PLA2G4C: variants seen among roughly 807,000 people sequenced by gnomAD.
PLA2G4C encodes cytosolic phospholipase A2 gamma.
PLA2G4C carries 64 observed loss-of-function variants against 73.8 expected under a neutral mutation model. That is an observed-to-expected ratio of 0.87 (90% CI 0.71 to 1.07). PLA2G4C has a LOEUF of 1.07. Among genes scored for constraint, PLA2G4C ranks in the 50% least tolerant of loss-of-function variants. The probability of loss-of-function intolerance (pLI) is 0.00; values close to 1 mark genes in which losing one functional copy is unlikely to be tolerated. For synonymous variants in PLA2G4C, 254 were observed against 252.1 expected (o/e 1.01, Z -0.07); for missense variants, 622 against 665.4 (o/e 0.93, Z 0.72).
At chr19:48,084,861 G>T (rs112019349) in intron 10 of PLA2G4C, among the ~76,000 whole-genome samples, 198 bp downstream of exon 10, 3,103 of 152,302 alleles carry the variant, frequency 0.02, 110 homozygotes, top group African/African-American at 0.07. Flanking sequence ...TTCCAAGGGT[G>T]TCTGTACTCT....
intron 12 of PLA2G4C, chr19:48,074,334 A>G (rs1317101253): frequency 1.2e-5 from 2 of 168,718 alleles, no homozygotes; most frequent in Non-Finnish European, 2.6e-5. Flanking sequence ...TTCTGGCTGC[A>G]TAGTATTCCA....
intron 1 of PLA2G4C, among the ~76,000 whole-genome samples, chr19:48,106,828 CCT>C (rs2032260175): frequency 6.6e-6 from 1 of 152,060 alleles, no homozygotes; most frequent in Non-Finnish European, 1.5e-5. Flanking sequence ...TCTTTCTCTG[CCT>C]CTGTCTCTGT....
At chr19:48,092,955 C>A (rs2031387675) in intron 7 of PLA2G4C, among the ~76,000 whole-genome samples, 1 of 151,896 alleles carries the variant, frequency 6.6e-6, no homozygotes, top group Admixed American at 6.6e-5. Context: ...TAAAAAGCAC[C>A]CTGGTGTGTG....
chr19:48,110,540 A>ATCCGGTGCGGAGGCTTGGGCTCCGGAC lies in PLA2G4C; in HGVS notation c.-87_-86insGTCCGGAGCCCAAGCCTCCGCACCGGA. The ATCCGGTGCGGAGGCTTGGGCTCCGGAC allele has an allele frequency of 6.5e-7, 1 of 1,532,340 alleles. No individual in the cohort carries two copies. The highest frequency in any genetic ancestry group is 2.5e-5 in the East Asian group (1 of 39,888). 94.9% of individuals were successfully genotyped at this position (1,532,340 alleles called of 1,614,324 possible). A position where few individuals can be genotyped will look rare whatever the true frequency, so the allele number is the denominator to read the frequency against. ...TGCGCGGTGGAGCTTGTGCTCCGGA[A>ATCCGGTGCGGAGGCTTGGGCTCCGGAC]TCCGGTGCGGAGGCTTGGGCTCCCT... On this transcript the variant is annotated 5_prime_UTR_variant, in exon 1 of 17. Coordinates refer to ENST00000599921, the MANE Select transcript of PLA2G4C (RefSeq NM_003706.3).
chr19:48,084,442 A>T (rs2030852616), intron 10 of PLA2G4C, among the ~76,000 whole-genome samples: 1 of 152,032 alleles, frequency 6.6e-6, no homozygotes, highest in Admixed American at 6.6e-5. Context: ...TGGGTTTAAG[A>T]GCTTCTCCTC....
chr19:48,084,727 C>T (rs2030871685), intron 10 of PLA2G4C, among the ~76,000 whole-genome samples: 1 of 152,204 alleles, frequency 6.6e-6, no homozygotes, highest in Non-Finnish European at 1.5e-5. Flanking sequence ...GATGAATTAA[C>T]TCATTTAATC....
chr19:48,057,682 G>A (rs190255189), intron 14 of PLA2G4C, among the ~76,000 whole-genome samples: 165 of 149,492 alleles, frequency 1.1e-3, no homozygotes, highest in African/African-American at 3.7e-3. Context: ...TAGAGACAGG[G>A]TTTCGCCATG....
intron 9 of PLA2G4C, among the ~76,000 whole-genome samples, chr19:48,087,685 A>G (rs2031059100): frequency 6.6e-6 from 1 of 152,222 alleles, no homozygotes; most frequent in Non-Finnish European, 1.5e-5. Flanking sequence ...CTGTAATCCC[A>G]GCACTTTGGG....
At chr19:48,093,676 T>C (rs1356805273) in intron 7 of PLA2G4C, among the ~76,000 whole-genome samples, 2 of 152,146 alleles carry the variant, frequency 1.3e-5, no homozygotes, top group African/African-American at 4.8e-5. Flanking sequence ...GGTCTTCTCA[T>C]TGGTTCTAGA....
chr19:48,084,501 G>A (rs909856025), intron 10 of PLA2G4C, among the ~76,000 whole-genome samples: 5 of 152,182 alleles, frequency 3.3e-5, no homozygotes, highest in Admixed American at 6.5e-5. Flanking sequence ...GAGCTGGAGA[G>A]CCACAGAAGG....
chr19:48,076,048 T>C (rs6650751), intron 11 of PLA2G4C, among the ~76,000 whole-genome samples: 3,122 of 152,330 alleles, frequency 0.02, 108 homozygotes, highest in African/African-American at 0.07. Context: ...ACTCTGATCT[T>C]GGGCTTCCAG....
intron 12 of PLA2G4C, among the ~76,000 whole-genome samples, chr19:48,070,739 GT>G (rs760265324): frequency 1.4e-4 from 21 of 151,656 alleles, no homozygotes; most frequent in Non-Finnish European, 2.4e-4. Flanking sequence ...ACTGGGGCCT[GT>G]TGAGGGGGCG....
intron 14 of PLA2G4C, among the ~76,000 whole-genome samples, 177 bp from the exon 15 acceptor site, chr19:48,055,226 T>C (rs1967892831): frequency 6.6e-6 from 1 of 151,084 alleles, no homozygotes; most frequent in Non-Finnish European, 1.5e-5. Flanking sequence ...GCCTCTGCCA[T>C]CACCCGCACT....
rs200424171 is a variant in PLA2G4C, at chr19:48,099,720, G to C, written c.398C>G (p.Ser133Cys). The change falls in exon 5 of 17, where the codon TCT becomes TGT. Residue 133 changes from serine to cysteine, a missense_variant. Coordinates refer to ENST00000599921, the MANE Select transcript of PLA2G4C (RefSeq NM_003706.3). ...TIQAARSENYSLTDFWAYMVI... is the reference protein window; with the variant it reads ...TIQAARSENYCLTDFWAYMVI... ...CATGTAGGCCCAGAAGTCGGTCAGA[G>C]AGTAATTCTCAGACCTCGCTGCTTG... The C allele has an allele frequency of 2.8e-5, 45 of 1,614,114 alleles. No homozygotes were observed. The East Asian group carries it at 1.0e-3, about 36-fold the overall frequency.
chr19:48,054,658 C>T (rs1171625663), intron 15 of PLA2G4C, among the ~76,000 whole-genome samples: 5 of 152,132 alleles, frequency 3.3e-5, no homozygotes, highest in Non-Finnish European at 5.9e-5. Context: ...CCTGCTGGCA[C>T]TCACTTCTCC....
In PLA2G4C at chr19:48,054,923, G is replaced by T; in HGVS notation, c.1384C>A (p.Pro462Thr). ...SCYILKGETG[P>T]VVMHFPLFNI... The stretch of plus-strand genomic sequence containing the variant: ...AACAGGGGAAAATGCATCACCACTG[G>T]TCCAGTTTCTCCTTTCAGGATGTAG... The change falls in exon 15 of 17, where the codon CCA (proline) becomes ACA (threonine). Residue 462 changes from proline (P) to threonine (T), a missense_variant. Pro to Thr is a conservative substitution (Grantham distance 38, BLOSUM62 -1). Transcript: ENST00000599921. 1 of 1,613,964 alleles carries T rather than the reference G, an allele frequency of 6.2e-7. No individual in the cohort carries two copies. Among genetic ancestry groups the T allele is most frequent in the Non-Finnish European group, 8.5e-7 (1 of 1,180,018 alleles).
rs59148675 is a variant in PLA2G4C at position 48,064,430 on chromosome 19, C to CAA, written c.1103-2280_1103-2279dup. 4.5e-3 allele frequency among the ~76,000 whole-genome samples: 635 copies of CAA among 140,878 alleles called. 7 individuals carry two copies. The highest frequency in any genetic ancestry group is 0.022 in the South Asian group (96 of 4,454). The allele number at this position is 140,878 out of a possible 152,430, so 92.4% of individuals were successfully genotyped here. Reference sequence around the variant, plus strand: ...GGCAACAAAGAGCAAAACTCTGTCTCAAAAAAAAAAAAAACCAAAAACCAT... The same window carrying CAA: ...GGCAACAAAGAGCAAAACTCTGTCTCAAAAAAAAAAAAAAAACCAAAAACCAT... On this transcript the variant is annotated intron_variant, in intron 13 of 16. Coordinates refer to ENST00000599921, the MANE Select transcript of PLA2G4C (RefSeq NM_003706.3).
intron 6 of PLA2G4C, 41 bp from the exon 7 acceptor site, chr19:48,095,645 A>G: frequency 6.2e-7 from 1 of 1,607,088 alleles, no homozygotes; most frequent in Non-Finnish European, 8.5e-7. Flanking sequence ...CCAGCACAGA[A>G]CCAGGAATGT....
At chr19:48,071,277 C>T (rs957466014) in intron 12 of PLA2G4C, among the ~76,000 whole-genome samples, 1 of 146,052 alleles carries the variant, frequency 6.8e-6, no homozygotes, top group Non-Finnish European at 1.5e-5. Flanking sequence ...CTAAATGTGG[C>T]CTGAGGACTC....
Sources: allele counts gnomAD v4.1 joint callset (sites outside exome capture counted in the v4.1 genomes callset), GRCh38; gene constraint gnomAD v4.1.1; transcripts MANE v1.5; gene names NCBI Gene and HGNC (gene_info 2026-07-23, HGNC 2026-07-21).